The following INTS6 variants were observed in gnomAD, a reference collection of about 807,000 sequenced individuals.
INTS6 encodes DEAD box protein.
A neutral mutation model predicts 104.9 loss-of-function variants in INTS6; 16 were observed. That is an observed-to-expected ratio of 0.15 (90% CI 0.10 to 0.23). The LOEUF (loss-of-function observed/expected upper bound fraction) is 0.23, where lower values mean the gene tolerates loss of function less well. Ranked by LOEUF, INTS6 falls within the 10% of genes least tolerant of loss-of-function variation. The pLI is 1.00. For synonymous variants in INTS6, 324 were observed against 358.7 expected (o/e 0.90, Z 1.09); for missense variants, 584 against 1,062.8 (o/e 0.55, Z 6.26).
intron 7 of INTS6, chr13:51,384,399 C>A: frequency 1.1e-5 from 3 of 280,382 alleles, no homozygotes; most frequent in South Asian, 1.0e-4. Flanking sequence ...TCCTAAAAAT[C>A]TCACAAATTG....
chr13:51,429,763 C>CAAAAAAAA (rs35873020), intron 4 of INTS6, among the ~76,000 whole-genome samples: 4 of 27,060 alleles, frequency 1.5e-4, no homozygotes, highest in African/African-American at 4.8e-4. Context: ...GACTCTGTCT[C>CAAAAAAAA]AAAAAAAAAA....
chr13:51,449,858 G>A, intron 3 of INTS6: 9 of 985,322 alleles, frequency 9.1e-6, no homozygotes, highest in Non-Finnish European at 1.1e-5. Flanking sequence ...TGGTAAGAAA[G>A]TACATATTTA....
At chr13:51,336,235 C>G in the INTS6 span, among the ~76,000 whole-genome samples, 1 of 152,202 alleles carries the variant, frequency 6.6e-6, no homozygotes. Context: ...CGCTTGTAAT[C>G]CCAGCACTTT....
intron 7 of INTS6, among the ~76,000 whole-genome samples, chr13:51,386,729 C>T (rs976527664): frequency 3.9e-5 from 6 of 151,934 alleles, no homozygotes; most frequent in African/African-American, 1.2e-4. Context: ...CATGCTCTCC[C>T]ACAAAATATC....
chr13:51,412,544 C>T (rs999100988), intron 4 of INTS6, among the ~76,000 whole-genome samples: 1 of 152,138 alleles, frequency 6.6e-6, no homozygotes, highest in Admixed American at 6.5e-5. Flanking sequence ...GGTGCTGAGG[C>T]TCACAAGCGC....
At chr13:51,342,343 C>G in the INTS6 span, among the ~76,000 whole-genome samples, 1 of 152,266 alleles carries the variant, frequency 6.6e-6, no homozygotes, top group East Asian at 1.9e-4. Flanking sequence ...TGACACTGAG[C>G]ACCTTTGTTA....
At chr13:51,368,349 G>A (rs1465311978) in intron 16 of INTS6, among the ~76,000 whole-genome samples, 5 of 152,014 alleles carry the variant, frequency 3.3e-5, no homozygotes, top group Admixed American at 6.6e-5. Context: ...GGCTATAAAC[G>A]TCTGAACTCC....
the INTS6 span, chr13:51,341,168 T>A: frequency 6.2e-7 from 1 of 1,614,022 alleles, no homozygotes; most frequent in South Asian, 1.1e-5. Context: ...CGTGAAGGAA[T>A]GACATTGCTG....
At chr13:51,419,848 C>T (rs1304794338) in intron 4 of INTS6, among the ~76,000 whole-genome samples, 2 of 152,182 alleles carry the variant, frequency 1.3e-5, no homozygotes, top group African/African-American at 2.4e-5. Flanking sequence ...TAGTACAATA[C>T]AACTCCAAGG....
chr13:51,449,681 A>T (rs1482491690), intron 3 of INTS6: 4 of 984,910 alleles, frequency 4.1e-6, no homozygotes, highest in African/African-American at 3.5e-5. Flanking sequence ...GAAAACCTTA[A>T]GCAGTAAGAC....
At chr13:51,391,323 C>G (rs1956243331) in intron 5 of INTS6, among the ~76,000 whole-genome samples, 1 of 151,920 alleles carries the variant, frequency 6.6e-6, no homozygotes, top group South Asian at 2.1e-4. Flanking sequence ...TAAGTTGTGT[C>G]ATCAATTAAG....
At chr13:51,451,742 CGCCGCT>C (rs1555293055) in intron 2 of INTS6, among the ~76,000 whole-genome samples, 1 of 149,874 alleles carries the variant, frequency 6.7e-6, no homozygotes, top group African/African-American at 2.4e-5. Flanking sequence ...CCGCCGCCGC[CGCCGCT>C]GCCGGGCCGG....
At chr13:51,408,568 A>C (rs1038275600) in intron 4 of INTS6, among the ~76,000 whole-genome samples, 9 of 152,222 alleles carry the variant, frequency 5.9e-5, no homozygotes, top group Non-Finnish European at 4.4e-5. Flanking sequence ...AACTGAGAGC[A>C]CTTAATGCCT....
At chr13:51,375,107 T>C (rs765848093) in intron 13 of INTS6, among the ~76,000 whole-genome samples, 4 of 152,038 alleles carry the variant, frequency 2.6e-5, no homozygotes, top group Non-Finnish European at 5.9e-5. Context: ...TCCCAGCACT[T>C]CGGGAGGCTG....
In INTS6 at chr13:51,452,616, G is replaced by A. The variant is rs1593791877; in HGVS notation, c.-91C>T. On this transcript the variant is annotated 5_prime_UTR_variant, in exon 1 of 18. Coordinates refer to ENST00000311234, the MANE Select transcript of INTS6 (RefSeq NM_012141.3). The surrounding 1 kb of genome is among the most constrained non-coding windows in gnomAD (Gnocchi z 4.2). The stretch of plus-strand genomic sequence containing the variant: ...CCGGTGGCGGCGACCGCCGCTACGC[G>A]GGGCGGGGGAGCACGGCCCCCGGGA... 1.9e-6 allele frequency: 3 copies of A among 1,542,958 alleles called. No homozygotes were observed. The South Asian group carries it at 3.4e-5, about 18-fold the overall frequency.
At chr13:51,336,411 C>CGGGAGGCAGAGGTTGCA in the INTS6 span, among the ~76,000 whole-genome samples, 10 of 152,092 alleles carry the variant, frequency 6.6e-5, no homozygotes, top group African/African-American at 2.4e-4. Context: ...TGCTTGAACC[C>CGGGAGGCAGAGGTTGCA]GGGAGGCAGA....
At chr13:51,409,263 AAATAATAATAATAATAATAATAAT>A (rs57913744) in intron 4 of INTS6, among the ~76,000 whole-genome samples, 15 of 135,946 alleles carry the variant, frequency 1.1e-4, no homozygotes, top group Middle Eastern at 3.8e-3. Context: ...AATCCGTCTC[AAATAATAATAATAATAATAATAAT>A]AATAATAATA....
rs1360115998 is a variant in INTS6 at position 51,363,583 on chromosome 13, T to C, written c.*2169A>G. 6.6e-6 allele frequency: 1 copy of C among 151,970 alleles called. No homozygotes were observed. The highest frequency in any genetic ancestry group is 2.4e-5 in the African/African-American group (1 of 41,396). The allele number at this position is 151,970 out of a possible 1,614,324, so 9.4% of individuals were successfully genotyped here. A position where few individuals can be genotyped will look rare whatever the true frequency, so the allele number is the denominator to read the frequency against. ...TCGAGCCTTAAGTCATTCAGTGACA[T>C]AAAGGGCCTAAAAGACATGATGTTT... On this transcript the variant is annotated 3_prime_UTR_variant, in exon 18 of 18. Transcript: ENST00000311234.
rs1321904242 is a variant in INTS6, at chr13:51,369,189, G to T, written c.2226C>A (p.Ala742=). ...MDTEFSASSP[A]SLLERPTNHM... is the part of the protein sequence containing the mutation. ...GATTGGTTGGCCGTTCCAGTAAACT[G>T]GCTGGAGAAGATGCTGAAAATTCCG... Residue 742 remains alanine (A), a synonymous_variant, in exon 16 of 18, where the codon GCC becomes GCA. Transcript: ENST00000311234. 6.2e-7 allele frequency: 1 copy of T among 1,613,840 alleles called. No individual in the cohort carries two copies. The highest frequency in any genetic ancestry group is 8.5e-7 in the Non-Finnish European group (1 of 1,179,856).
Sources: allele counts gnomAD v4.1 joint callset (sites outside exome capture counted in the v4.1 genomes callset), GRCh38; gene constraint gnomAD v4.1.1; non-coding constraint Gnocchi (gnomAD v3.1); transcripts MANE v1.5; gene names NCBI Gene and HGNC (gene_info 2026-07-23, HGNC 2026-07-21).